Variants in POTEH observed in about 807,000 individuals in gnomAD.
POTEH encodes the protein POTE ankyrin domain family member H.
POTEH carries 6 observed loss-of-function variants against 41.7 expected under a neutral mutation model. That is an observed-to-expected ratio of 0.14 (90% CI 0.08 to 0.28). The LOEUF is 0.28. Ranked by LOEUF, POTEH falls within the 10% of genes least tolerant of loss-of-function variation. The probability of loss-of-function intolerance (pLI) is 1.00; values close to 1 mark genes in which losing one functional copy is unlikely to be tolerated. For missense variants in POTEH, 115 were observed against 533.5 expected (o/e 0.22, Z 7.73); for synonymous variants, 38 against 179.9 (o/e 0.21, Z 6.31).
At chr22:15,690,945 G>C (rs1366124626) in intron 1 of POTEH, among the ~76,000 whole-genome samples, 2 of 129,978 alleles carry the variant, frequency 1.5e-5, no homozygotes, top group African/African-American at 5.5e-5. Context: ...CGAATAGACT[G>C]TTTTGAAGTG....
chr22:15,707,831 G>A (rs1174279145), intron 6 of POTEH, among the ~76,000 whole-genome samples, 189 bp from the exon 7 acceptor site: 1 of 150,004 alleles, frequency 6.7e-6, no homozygotes, highest in Non-Finnish European at 1.5e-5. Context: ...TCAATCTGGT[G>A]ACATCTGATG....
Position 15,690,126 on chromosome 22 carries a change from C to A in POTEH, c.49C>A (p.Pro17Thr), listed in dbSNP as rs1213054693. 1 of 1,407,574 alleles carries A rather than the reference C, an allele frequency of 7.1e-7. No homozygotes were observed. Among genetic ancestry groups the A allele is most frequent in the African/African-American group, 1.5e-5 (1 of 66,306 alleles). The allele number at this position is 1,407,574 out of a possible 1,614,324, so 87.2% of individuals were successfully genotyped here. A position where few individuals can be genotyped will look rare whatever the true frequency, so the allele number is the denominator to read the frequency against. The change falls in exon 1 of 11, where the codon CCA (proline) becomes ACA (threonine). Residue 17 changes from proline (P) to threonine (T), a missense_variant. Transcript: ENST00000343518. ...SMPAASSVKKPFGLRSKMGKW... is the reference protein window; with the variant it reads ...SMPAASSVKKTFGLRSKMGKW... ...GCCGGCTGCCTCCTCTGTGAAGAAGCCATTTGGTCTCAGAAGCAAGATGGG... is the reference window on the plus strand; with the variant it reads ...GCCGGCTGCCTCCTCTGTGAAGAAGACATTTGGTCTCAGAAGCAAGATGGG...
At chr22:15,700,344 GTCCCCTGCA>G (rs1989550452) in intron 5 of POTEH, 129 bp downstream of exon 5, 1 of 511,722 alleles carries the variant, frequency 2.0e-6, no homozygotes, top group African/African-American at 3.7e-5. Flanking sequence ...CAGTGAGCTA[GTCCCCTGCA>G]TCAGCCAGAA....
intron 1 of POTEH, among the ~76,000 whole-genome samples, chr22:15,691,525 C>G (rs868634704): frequency 0.017 from 1,528 of 88,090 alleles, 8 homozygotes; most frequent in African/African-American, 0.056. Context: ...GACTCCGTCT[C>G]AAAAAAAAAA....
In POTEH at chr22:15,696,768, CG is replaced by C. The variant is rs1351853166; in HGVS notation, c.921+953del. 3.1e-5 allele frequency among the ~76,000 whole-genome samples: 3 copies of C among 95,580 alleles called. 1 individual carries two copies. Among genetic ancestry groups the C allele is most frequent in the African/African-American group, 9.5e-5 (3 of 31,570 alleles). 62.7% of individuals were successfully genotyped at this position (95,580 alleles called of 152,430 possible). ...AGTTGACTAGATACTGTTGTGTTAC[CG>C]GGAAAAATTATGTGGTGTTTTCAGC... On this transcript the variant is annotated intron_variant, in intron 3 of 10. Transcript: ENST00000343518.
At chr22:15,711,412 C>G (rs1475445855) in intron 9 of POTEH, among the ~76,000 whole-genome samples, 1 of 151,612 alleles carries the variant, frequency 6.6e-6, no homozygotes, top group African/African-American at 2.4e-5. Context: ...ACTCTCCACC[C>G]TCAAGTAGGC....
chr22:15,692,496 C>T (rs1287229248), intron 1 of POTEH, among the ~76,000 whole-genome samples: 152 of 142,776 alleles, frequency 1.1e-3, no homozygotes, highest in African/African-American at 3.5e-3. Context: ...TGGCTTACGC[C>T]TGTTACCCCA....
At chr22:15,692,008 A>ATATATATATAT (rs1192187472) in intron 1 of POTEH, among the ~76,000 whole-genome samples, 5 of 115,530 alleles carry the variant, frequency 4.3e-5, no homozygotes, top group East Asian at 2.2e-4. Context: ...ATATATATAT[A>ATATATATATAT]AATTTCTTTT....
chr22:15,692,342 C>T (rs1353219596), intron 1 of POTEH, among the ~76,000 whole-genome samples: 1 of 146,190 alleles, frequency 6.8e-6, no homozygotes, highest in Non-Finnish European at 1.5e-5. Flanking sequence ...TAAAATTGGG[C>T]AAAGTACTTT....
chr22:15,713,454 T>G (rs535756239), intron 9 of POTEH, among the ~76,000 whole-genome samples: 20 of 152,318 alleles, frequency 1.3e-4, no homozygotes, highest in South Asian at 4.1e-4. Context: ...TTTCTCCTTT[T>G]GGACATTGCT....
chr22:15,710,218 T>TC (rs1989778636), intron 8 of POTEH, among the ~76,000 whole-genome samples: 1 of 152,300 alleles, frequency 6.6e-6, no homozygotes. Context: ...GGGGAGCAAC[T>TC]CATTTTCTGG....
chr22:15,720,107 T>TAA (rs3047219), intron 10 of POTEH, among the ~76,000 whole-genome samples: 1 of 56,992 alleles, frequency 1.8e-5, no homozygotes, highest in Non-Finnish European at 3.2e-5. Flanking sequence ...TTAGTTTTGT[T>TAA]AAAAAATGTT....
chr22:15,692,544 A>T (rs1989347967), intron 1 of POTEH, among the ~76,000 whole-genome samples: 2 of 130,634 alleles, frequency 1.5e-5, no homozygotes, highest in African/African-American at 5.5e-5. Context: ...TCATGAAGTC[A>T]GGAGTTTGAG....
At chr22:15,690,893 TTA>T (rs1989289865) in intron 1 of POTEH, among the ~76,000 whole-genome samples, 184 bp downstream of exon 1, 2 of 129,940 alleles carry the variant, frequency 1.5e-5, no homozygotes, top group East Asian at 4.1e-4. Flanking sequence ...AAACAAAACT[TTA>T]GCTGATTTCC....
At position 15,717,474 on chromosome 22, in the gene POTEH, C is replaced by T. The variant is rs1369007530; in HGVS notation, c.1521-2186C>T. ...ACCAACATCTGTTTTTTTTTGTTTT[C>T]TAATAGTGGCCATTCTGGCTGCAGC... On this transcript the variant is annotated intron_variant, in intron 9 of 10. Transcript: ENST00000343518. Among the ~76,000 whole-genome samples the T allele has an allele frequency of 3.2e-4, 30 of 94,962 alleles. 4 individuals carry two copies. Among genetic ancestry groups the T allele is most frequent in the African/African-American group, 9.6e-4 (29 of 30,192 alleles). The allele number at this position is 94,962 out of a possible 152,430, so 62.3% of individuals were successfully genotyped here.
chr22:15,711,337 A>G (rs1442106241), intron 9 of POTEH, among the ~76,000 whole-genome samples: 1 of 152,084 alleles, frequency 6.6e-6, no homozygotes, highest in Non-Finnish European at 1.5e-5. Flanking sequence ...GGTACAGATT[A>G]TTTCATCAGC....
chr22:15,692,009 A>AC (rs1421248855), intron 1 of POTEH, among the ~76,000 whole-genome samples: 38,375 of 115,184 alleles, frequency 0.33, 3,863 homozygotes, highest in Non-Finnish European at 0.36. Flanking sequence ...TATATATATA[A>AC]ATTTCTTTTT....
chr22:15,690,976 G>T lies in POTEH; in HGVS notation c.632+267G>T, dbSNP rs552895030. Among the ~76,000 whole-genome samples the T allele has an allele frequency of 3.0e-5, 4 of 131,496 alleles. 1 individual carries two copies. The highest frequency in any genetic ancestry group is 7.0e-5 in the Non-Finnish European group (4 of 57,220). 86.3% of individuals were successfully genotyped at this position (131,496 alleles called of 152,430 possible). On this transcript the variant is annotated intron_variant, in intron 1 of 10. Coordinates refer to ENST00000343518, the MANE Select transcript of POTEH (RefSeq NM_001136213.1). ...AAGTGATTTAACTCGCAACGTTGTC[G>T]ATGCAGCAGATTATTTTTAATGTAC...
At chr22:15,691,992 A>G (rs1172621336) in intron 1 of POTEH, among the ~76,000 whole-genome samples, 7 of 127,170 alleles carry the variant, frequency 5.5e-5, no homozygotes, top group Middle Eastern at 7.5e-3. Context: ...ATACATATAT[A>G]TATATATATA....
Sources: allele counts gnomAD v4.1 joint callset (sites outside exome capture counted in the v4.1 genomes callset), GRCh38; gene constraint gnomAD v4.1.1; transcripts MANE v1.5; gene names NCBI Gene and HGNC (gene_info 2026-07-23, HGNC 2026-07-21).